NEK1: variants seen among roughly 807,000 people sequenced by gnomAD.
NEK1 encodes serine/threonine-protein kinase Nek1.
In NEK1, 137 loss-of-function variants were observed where a neutral mutation model predicts 182.1. The observed-to-expected ratio is 0.75, with a 90% CI of 0.65 to 0.87. NEK1 has a LOEUF of 0.87. Among genes scored for constraint, NEK1 ranks in the 40% least tolerant of loss-of-function variants. The pLI, the probability that NEK1 is intolerant of heterozygous loss-of-function variation, is 0.00. For synonymous variants in NEK1, 513 were observed against 492.2 expected, an observed-to-expected ratio of 1.04 and a Z score of -0.56; for missense variants, 1,391 against 1,494.4, an observed-to-expected ratio of 0.93 and a Z score of 1.14.
chr4:169,590,542 A>C (rs1336356869), intron 6 of NEK1, among the ~76,000 whole-genome samples, 184 bp downstream of exon 6: 1 of 152,086 alleles, frequency 6.6e-6, no homozygotes, highest in African/African-American at 2.4e-5. Flanking sequence ...GAAGGAAAGT[A>C]ATTTTTAGAG....
intron 23 of NEK1, among the ~76,000 whole-genome samples, chr4:169,488,168 TTTAG>T (rs1481853533): frequency 6.6e-6 from 1 of 152,212 alleles, no homozygotes; most frequent in Non-Finnish European, 1.5e-5. Context: ...GCAAAAGCTC[TTTAG>T]TTAATTAGAT....
At chr4:169,512,661 T>C (rs1754382824) in intron 19 of NEK1, among the ~76,000 whole-genome samples, 1 of 152,110 alleles carries the variant, frequency 6.6e-6, no homozygotes, top group Admixed American at 6.6e-5. Context: ...ACTCTTGGTG[T>C]CAAGTCTAAT....
chr4:169,470,945 T>G (rs549271973), intron 26 of NEK1, among the ~76,000 whole-genome samples: 4 of 152,344 alleles, frequency 2.6e-5, no homozygotes, highest in South Asian at 4.1e-4. Flanking sequence ...CTTCACAAAG[T>G]TCTCTTGCTG....
intron 29 of NEK1, among the ~76,000 whole-genome samples, chr4:169,427,193 C>T (rs1290078388): frequency 6.6e-6 from 1 of 152,072 alleles, no homozygotes; most frequent in Non-Finnish European, 1.5e-5. Flanking sequence ...GTGGCACGAT[C>T]TCGGCTCACT....
At chr4:169,419,018 T>G (rs1166413482) in intron 31 of NEK1, among the ~76,000 whole-genome samples, 3 of 152,124 alleles carry the variant, frequency 2.0e-5, no homozygotes, top group Non-Finnish European at 4.4e-5. Context: ...TGTCATAGTT[T>G]AATGAATTAC....
chr4:169,438,036 G>T, intron 28 of NEK1, 47 bp downstream of exon 28: 1 of 1,433,684 alleles, frequency 7.0e-7, no homozygotes. Flanking sequence ...TGAAATTTAA[G>T]TTTTTACTAA....
intron 23 of NEK1, among the ~76,000 whole-genome samples, chr4:169,496,767 G>A (rs1359719217): frequency 4.6e-5 from 7 of 152,038 alleles, no homozygotes; most frequent in Non-Finnish European, 1.5e-5. Flanking sequence ...CTTGATCATG[G>A]TGGATAAGCT....
At chr4:169,415,932 G>C (rs1163687826) in intron 31 of NEK1, among the ~76,000 whole-genome samples, 1 of 152,210 alleles carries the variant, frequency 6.6e-6, no homozygotes. Context: ...GGAACTGCTT[G>C]TGAGGTGGAG....
At chr4:169,471,223 GC>G (rs878886320) in intron 26 of NEK1, among the ~76,000 whole-genome samples, 2 of 152,134 alleles carry the variant, frequency 1.3e-5, no homozygotes, top group African/African-American at 4.8e-5. Context: ...GGAATTTTCA[GC>G]CTTTTTGCGT....
At chr4:169,423,482 T>C (rs79912147) in intron 31 of NEK1, among the ~76,000 whole-genome samples, 3 of 152,188 alleles carry the variant, frequency 2.0e-5, no homozygotes, top group East Asian at 3.9e-4. Context: ...TAAAAAAAAA[T>C]GCCCAATCTC....
chr4:169,457,569 T>C (rs1233818253), intron 27 of NEK1, among the ~76,000 whole-genome samples: 2 of 147,422 alleles, frequency 1.4e-5, no homozygotes, highest in African/African-American at 2.5e-5. Flanking sequence ...CTGGGAAACA[T>C]AGCAAGACTC....
Position 169,576,913 on chromosome 4 carries a change from G to A in NEK1, c.1020+15C>T, listed in dbSNP as rs1336838926. The stretch of plus-strand genomic sequence containing the variant: ...TGAATTTGTTATTAACACATGGTAT[G>A]TAACATGATCATACCTGTTTATGTT... On this transcript the variant is annotated intron_variant, in intron 12 of 35. Transcript: ENST00000507142. 6.3e-7 allele frequency: 1 copy of A among 1,582,242 alleles called. No individual in the cohort carries two copies. Among genetic ancestry groups the A allele is most frequent in the South Asian group, 1.1e-5 (1 of 88,394 alleles).
chr4:169,509,744 T>C (rs957288060), intron 19 of NEK1, among the ~76,000 whole-genome samples: 8 of 152,104 alleles, frequency 5.3e-5, no homozygotes, highest in Non-Finnish European at 8.8e-5. Context: ...CATAACATAA[T>C]ACATACTCAT....
chr4:169,407,929 A>G (rs183636375), intron 31 of NEK1, among the ~76,000 whole-genome samples: 27 of 152,388 alleles, frequency 1.8e-4, no homozygotes, highest in African/African-American at 6.5e-4. Flanking sequence ...GTTATGAACT[A>G]CAAGTTGGTA....
intron 18 of NEK1, among the ~76,000 whole-genome samples, chr4:169,544,656 T>A (rs981924594): frequency 1.5e-5 from 2 of 136,052 alleles, no homozygotes; most frequent in South Asian, 5.0e-4. Flanking sequence ...TGCCTCAATT[T>A]CAGAACTTGT....
chr4:169,516,074 C>T (rs1243322290), intron 19 of NEK1, among the ~76,000 whole-genome samples: 2 of 38,742 alleles, frequency 5.2e-5, no homozygotes, highest in East Asian at 1.4e-3. Flanking sequence ...TGAGGAATCG[C>T]CACACTGACT....
chr4:169,511,300 A>T (rs6825023), intron 19 of NEK1, among the ~76,000 whole-genome samples: 13,478 of 152,082 alleles, frequency 0.089, 787 homozygotes, highest in African/African-American at 0.16. Flanking sequence ...TATAGGTCAA[A>T]GAGTTGGGGA....
intron 12 of NEK1, among the ~76,000 whole-genome samples, chr4:169,566,543 TA>T (rs565810694): frequency 2.6e-5 from 4 of 151,124 alleles, no homozygotes; most frequent in Admixed American, 6.6e-5. Flanking sequence ...ACAGAGCCTT[TA>T]AAAAAAAACC....
intron 12 of NEK1, among the ~76,000 whole-genome samples, chr4:169,571,187 T>A (rs867196431): frequency 2.1e-4 from 19 of 88,760 alleles, no homozygotes; most frequent in African/African-American, 7.1e-4. Context: ...AAAAAATAAA[T>A]AAATAAATAA....
Sources: gnomAD v4.1 joint callset for allele counts (sites outside exome capture counted in the v4.1 genomes callset) on GRCh38, gnomAD v4.1.1 for gene constraint, MANE v1.5 for transcripts, NCBI Gene and HGNC (gene_info 2026-07-23, HGNC 2026-07-21) for gene names.